The following CLUL1 variants were observed in gnomAD, a reference collection of about 807,000 sequenced individuals.
CLUL1 encodes the protein clusterin-like protein 1.
Under a neutral mutation model 49.4 loss-of-function variants are expected in CLUL1, and 43 were observed. That is an observed-to-expected ratio of 0.87 (90% CI 0.68 to 1.12). The LOEUF is 1.12. Ranked by LOEUF, CLUL1 falls within the 50% of genes most tolerant of loss-of-function variation. The probability of loss-of-function intolerance (pLI) is 0.00; values close to 1 mark genes in which losing one functional copy is unlikely to be tolerated. For missense variants in CLUL1, 486 were observed against 544.4 expected, an observed-to-expected ratio of 0.89 and a Z score of 1.07; for synonymous variants, 192 against 184.9, an observed-to-expected ratio of 1.04 and a Z score of -0.31.
intron 4 of CLUL1, among the ~76,000 whole-genome samples, chr18:623,240 C>T (rs1287744344): frequency 2.0e-5 from 3 of 152,092 alleles, no homozygotes; most frequent in Non-Finnish European, 4.4e-5. Context: ...ACTATGTTGG[C>T]CAGGCTGTTC....
At chr18:629,396 C>T (rs1214944631) in intron 6 of CLUL1, among the ~76,000 whole-genome samples, 2 of 152,210 alleles carry the variant, frequency 1.3e-5, no homozygotes, top group African/African-American at 2.4e-5. Flanking sequence ...GGGCTCCTCC[C>T]CTCCATGTTG....
At chr18:625,055 G>T (rs2073640092) in intron 5 of CLUL1, 23 bp downstream of exon 5, 2 of 1,611,560 alleles carry the variant, frequency 1.2e-6, no homozygotes, top group African/African-American at 2.7e-5. Context: ...GAGAGCTCAA[G>T]ATTTCACAGT....
intron 4 of CLUL1, among the ~76,000 whole-genome samples, chr18:620,963 G>A (rs1449435535): frequency 2.0e-5 from 3 of 152,060 alleles, no homozygotes; most frequent in Admixed American, 2.0e-4. Context: ...TTTTAATGTT[G>A]AGAGTAAATT....
At chr18:600,466 G>T (rs927709784) in intron 1 of CLUL1, among the ~76,000 whole-genome samples, 2 of 152,132 alleles carry the variant, frequency 1.3e-5, no homozygotes, top group Non-Finnish European at 2.9e-5. Context: ...AATGGTCCGT[G>T]GTACAGTAGT....
intron 2 of CLUL1, among the ~76,000 whole-genome samples, chr18:616,124 GCTGT>G (rs1400911758): frequency 1.3e-5 from 2 of 151,916 alleles, no homozygotes; most frequent in Non-Finnish European, 2.9e-5. Flanking sequence ...ATGACTAACA[GCTGT>G]CTAAGTTGTT....
chr18:637,256 G>A (rs13381322), intron 7 of CLUL1, among the ~76,000 whole-genome samples: 16,421 of 152,064 alleles, frequency 0.11, 1,117 homozygotes, highest in African/African-American at 0.18. Flanking sequence ...AAAGTCCTGG[G>A]ATTACAGGCT....
intron 5 of CLUL1, among the ~76,000 whole-genome samples, chr18:626,018 C>T (rs1366384828): frequency 6.6e-6 from 1 of 152,128 alleles, no homozygotes; most frequent in Non-Finnish European, 1.5e-5. Flanking sequence ...ATCTTATGAA[C>T]ATTTCTTGGG....
intron 5 of CLUL1, among the ~76,000 whole-genome samples, chr18:625,391 A>G (rs1010577601): frequency 6.6e-6 from 1 of 152,148 alleles, no homozygotes; most frequent in African/African-American, 2.4e-5. Context: ...ACCAAATTGC[A>G]TTTGGAATCA....
At position 619,224 on chromosome 18, in the gene CLUL1, G is replaced by A. The variant is rs2073406250; in HGVS notation, c.118G>A (p.Val40Met). ...CACATGTCTTTTAGGTTTTTCTGAG[G>A]TGGGGGAGATAGATGCAGATGAAGA... ...ISENLKSFSE[V>M]GEIDADEEVK... The change falls in exon 4 of 10, where the codon GTG (valine) becomes ATG (methionine). Residue 40 changes from valine to methionine, a missense_variant. Val to Met is a conservative substitution (Grantham distance 21). Transcript: ENST00000692774. The A allele has an allele frequency of 1.9e-6, 3 of 1,612,886 alleles. No individual in the cohort carries two copies. The highest frequency in any genetic ancestry group is 2.5e-6 in the Non-Finnish European group (3 of 1,179,710).
Position 606,458 on chromosome 18 carries a change from G to A in CLUL1, c.-135-520G>A, listed in dbSNP as rs929769496. Among the ~76,000 whole-genome samples the A allele has an allele frequency of 1.1e-4, 17 of 152,158 alleles. No individual in the cohort carries two copies. Among genetic ancestry groups the A allele is most frequent in the Admixed American group, 9.8e-4 (15 of 15,272 alleles). On this transcript the variant is annotated intron_variant, in intron 1 of 9. Coordinates refer to ENST00000692774, the MANE Select transcript of CLUL1 (RefSeq NM_001393344.1). The surrounding 1 kb of genome is among the most constrained non-coding windows in gnomAD (Gnocchi z 4.1). Reference sequence around the variant, plus strand: ...TGGAAGTCCAGCTTCCGTTCAAATCGGAGTTCTTTCTTCATGACATTTCTT... The same window carrying A: ...TGGAAGTCCAGCTTCCGTTCAAATCAGAGTTCTTTCTTCATGACATTTCTT...
At position 617,129 on chromosome 18, in the gene CLUL1, T is replaced by A. The variant is rs118173158; in HGVS notation, c.-13-859T>A. The stretch of plus-strand genomic sequence containing the variant: ...ATATTTATAACTAATGTGTATCGAA[T>A]TAAACTCAAAGGGAAATTCATTAAC... On this transcript the variant is annotated intron_variant, in intron 2 of 9. Transcript: ENST00000692774. 7.3e-3 allele frequency among the ~76,000 whole-genome samples: 1,107 copies of A among 152,342 alleles called. 11 individuals carry two copies. Among genetic ancestry groups the A allele is most frequent in the Non-Finnish European group, 8.7e-3 (589 of 68,032 alleles).
intron 6 of CLUL1, among the ~76,000 whole-genome samples, chr18:630,452 T>C (rs1330417821): frequency 6.6e-6 from 1 of 152,092 alleles, no homozygotes; most frequent in Non-Finnish European, 1.5e-5. Flanking sequence ...ATTATCCAGA[T>C]GGATTCAATG....
At chr18:605,904 A>G (rs1209880601) in intron 1 of CLUL1, among the ~76,000 whole-genome samples, 6 of 152,040 alleles carry the variant, frequency 3.9e-5, no homozygotes, top group East Asian at 1.9e-4. Context: ...GCCTCAAGCA[A>G]TCCACCCTCC....
chr18:620,370 T>C (rs1213223596), intron 4 of CLUL1, among the ~76,000 whole-genome samples: 4 of 152,134 alleles, frequency 2.6e-5, no homozygotes, highest in African/African-American at 9.7e-5. Context: ...CCAAGTTTTT[T>C]TTTTTTTCAA....
At chr18:637,147 C>A (rs1053699009) in intron 7 of CLUL1, among the ~76,000 whole-genome samples, 5 of 151,930 alleles carry the variant, frequency 3.3e-5, no homozygotes, top group Non-Finnish European at 7.4e-5. Context: ...CCACCATGCC[C>A]GGCTAAATTT....
chr18:640,224 A>T (rs530086389), intron 7 of CLUL1, among the ~76,000 whole-genome samples: 28 of 152,030 alleles, frequency 1.8e-4, no homozygotes, highest in Admixed American at 4.6e-4. Flanking sequence ...AAGCCTGGGC[A>T]GCATAGTGAG....
intron 2 of CLUL1, among the ~76,000 whole-genome samples, 178 bp from the exon 3 acceptor site, chr18:617,810 G>GT (rs1298674009): frequency 1.3e-5 from 2 of 151,862 alleles, no homozygotes; most frequent in Non-Finnish European, 2.9e-5. Flanking sequence ...GAATTTGTTT[G>GT]TTTTTTTAAC....
chr18:615,836 G>A (rs2073270760), intron 2 of CLUL1, among the ~76,000 whole-genome samples: 1 of 152,236 alleles, frequency 6.6e-6, no homozygotes, highest in African/African-American at 2.4e-5. Context: ...GACATGGGGT[G>A]TGGCTGGGCC....
At chr18:628,824 G>A (rs945791015) in intron 6 of CLUL1, among the ~76,000 whole-genome samples, 2 of 151,520 alleles carry the variant, frequency 1.3e-5, no homozygotes, top group Non-Finnish European at 2.9e-5. Flanking sequence ...TAGAGACAGG[G>A]GTTTCACCAT....
Sources: allele counts gnomAD v4.1 joint callset (sites outside exome capture counted in the v4.1 genomes callset), GRCh38; gene constraint gnomAD v4.1.1; non-coding constraint Gnocchi (gnomAD v3.1); transcripts MANE v1.5; gene names NCBI Gene and HGNC (gene_info 2026-07-23, HGNC 2026-07-21).